PHF24: variants seen among roughly 807,000 people sequenced by gnomAD.
PHF24 encodes PHD finger protein 24.
In PHF24, 25 loss-of-function variants were observed where a neutral mutation model predicts 42.6. That is an observed-to-expected ratio of 0.59 (90% CI 0.43 to 0.82). The LOEUF (loss-of-function observed/expected upper bound fraction) is 0.82, where lower values mean the gene tolerates loss of function less well. Among genes scored for constraint, PHF24 ranks in the 40% least tolerant of loss-of-function variants. PHF24 has a pLI of 0.00. For missense variants in PHF24, 470 were observed against 538.1 expected, an observed-to-expected ratio of 0.87 and a Z score of 1.25; for synonymous variants, 185 against 204.8, an observed-to-expected ratio of 0.90 and a Z score of 0.83.
the PHF24 span, among the ~76,000 whole-genome samples, chr9:34,739,498 G>A: frequency 1.3e-5 from 2 of 152,148 alleles, no homozygotes; most frequent in Non-Finnish European, 2.9e-5. Flanking sequence ...TGGGTTCTTG[G>A]TCTCACTGAC....
intron 1 of PHF24, among the ~76,000 whole-genome samples, chr9:34,964,302 G>A (rs951183131): frequency 1.3e-5 from 2 of 152,120 alleles, no homozygotes; most frequent in African/African-American, 4.8e-5. Context: ...CCAGCTACTC[G>A]GGAGGCTGAG....
chr9:34,780,298 C>CTTTTTTTTTTTTTTTTTTTTTTTTTTTT, the PHF24 span, among the ~76,000 whole-genome samples: 1 of 63,896 alleles, frequency 1.6e-5, no homozygotes, highest in East Asian at 3.2e-4. Context: ...TTCTTTTTTT[C>CTTTTTTTTTTTTTTTTTTTTTTTTTTTT]TTTTTTTTTT....
At chr9:34,931,026 T>G in the PHF24 span, among the ~76,000 whole-genome samples, 1 of 152,304 alleles carries the variant, frequency 6.6e-6, no homozygotes, top group African/African-American at 2.4e-5. Flanking sequence ...GCTGTTCTCC[T>G]GATGGTGAGT....
At chr9:34,813,532 C>T in the PHF24 span, among the ~76,000 whole-genome samples, 116 of 152,246 alleles carry the variant, frequency 7.6e-4, no homozygotes, top group African/African-American at 2.7e-3. Context: ...GAAGAATCTT[C>T]TTCCAAGCTC....
the PHF24 span, among the ~76,000 whole-genome samples, chr9:34,739,176 C>G: frequency 6.6e-6 from 1 of 152,110 alleles, no homozygotes; most frequent in Admixed American, 6.5e-5. Flanking sequence ...AACTGATCAA[C>G]TTTATTCATA....
At chr9:34,671,460 C>T in the PHF24 span, among the ~76,000 whole-genome samples, 1 of 152,222 alleles carries the variant, frequency 6.6e-6, no homozygotes, top group Non-Finnish European at 1.5e-5. Context: ...GCCTATGCTG[C>T]ACTTGCACTG....
the PHF24 span, among the ~76,000 whole-genome samples, chr9:34,906,199 A>G: frequency 6.6e-6 from 1 of 152,126 alleles, no homozygotes; most frequent in Non-Finnish European, 1.5e-5. Flanking sequence ...ATGAGTGACC[A>G]TGGCCTGGGT....
At chr9:34,881,077 A>G in the PHF24 span, among the ~76,000 whole-genome samples, 1 of 152,252 alleles carries the variant, frequency 6.6e-6, no homozygotes, top group Non-Finnish European at 1.5e-5. Context: ...ACTCAGCTAC[A>G]TGGAAACTGA....
the PHF24 span, among the ~76,000 whole-genome samples, chr9:34,789,436 A>T: frequency 2.0e-5 from 3 of 152,248 alleles, no homozygotes; most frequent in East Asian, 5.8e-4. Context: ...TCATGTAAAC[A>T]CTGGGGCTAA....
intron 1 of PHF24, among the ~76,000 whole-genome samples, chr9:34,967,262 C>CA (rs1826809223): frequency 6.6e-6 from 1 of 152,168 alleles, no homozygotes; most frequent in Admixed American, 6.5e-5. Context: ...GTGCGTTCTT[C>CA]AAATTGCAGA....
At chr9:34,682,951 A>T in the PHF24 span, among the ~76,000 whole-genome samples, 3,009 of 152,342 alleles carry the variant, frequency 0.02, 55 homozygotes, top group South Asian at 0.078. Context: ...GCAATAGTAC[A>T]AATGGAGGCC....
the PHF24 span, chr9:34,917,665 C>T: frequency 2.6e-6 from 2 of 779,880 alleles, no homozygotes; most frequent in Non-Finnish European, 4.8e-6. Context: ...CATATTACTG[C>T]AGTGTGGGAG....
At chr9:34,826,218 G>C in the PHF24 span, among the ~76,000 whole-genome samples, 1 of 152,170 alleles carries the variant, frequency 6.6e-6, no homozygotes, top group East Asian at 1.9e-4. Context: ...CTGTAAGCCT[G>C]GTCAGCCCTG....
chr9:34,773,986 TA>T, the PHF24 span, among the ~76,000 whole-genome samples: 2 of 152,328 alleles, frequency 1.3e-5, no homozygotes, highest in South Asian at 4.1e-4. Context: ...GTATCAATAT[TA>T]GTATATTGAT....
chr9:34,810,774 C>T, the PHF24 span, among the ~76,000 whole-genome samples: 13 of 152,362 alleles, frequency 8.5e-5, no homozygotes, highest in Non-Finnish European at 1.8e-4. Context: ...TTCCATTCCC[C>T]TCTTTCCCTA....
chr9:34,737,019 C>T, the PHF24 span, among the ~76,000 whole-genome samples: 1 of 152,124 alleles, frequency 6.6e-6, no homozygotes, highest in African/African-American at 2.4e-5. Flanking sequence ...CTAACTGAAC[C>T]CATATTTTAA....
chr9:34,976,156 A>C, exon 4 of PHF24: 1 of 1,613,634 alleles, frequency 6.2e-7, no homozygotes, highest in Non-Finnish European at 8.5e-7. Context: ...TTTCAGGACA[A>C]CATCAACTTG....
the PHF24 span, among the ~76,000 whole-genome samples, chr9:34,939,542 A>G: frequency 6.6e-6 from 1 of 152,096 alleles, no homozygotes; most frequent in African/African-American, 2.4e-5. Flanking sequence ...CTCAGGCCAG[A>G]GTTGTCTGTC....
the PHF24 span, among the ~76,000 whole-genome samples, chr9:34,794,429 G>T: frequency 2.6e-5 from 4 of 152,092 alleles, no homozygotes; most frequent in East Asian, 7.7e-4. Flanking sequence ...ACAATGCAAA[G>T]TTATTCAACA....
Sources: gnomAD v4.1 joint callset for allele counts (sites outside exome capture counted in the v4.1 genomes callset) on GRCh38, gnomAD v4.1.1 for gene constraint, MANE v1.5 for transcripts, NCBI Gene and HGNC (gene_info 2026-07-23, HGNC 2026-07-21) for gene names.